The following CCDC7 variants were observed in gnomAD, a reference collection of about 807,000 sequenced individuals.
CCDC7 encodes coiled-coil domain-containing protein 7.
Under a neutral mutation model 196.9 loss-of-function variants are expected in CCDC7, and 183 were observed. That is an observed-to-expected ratio of 0.93 (90% CI 0.82 to 1.05). The LOEUF (loss-of-function observed/expected upper bound fraction) is 1.05, where lower values mean the gene tolerates loss of function less well. Among genes scored for constraint, CCDC7 ranks in the 50% least tolerant of loss-of-function variants. The probability of loss-of-function intolerance (pLI) is 0.00; values close to 1 mark genes in which losing one functional copy is unlikely to be tolerated. For synonymous variants in CCDC7, 525 were observed against 484.6 expected (o/e 1.08, Z -1.10); for missense variants, 1,540 against 1,482.2 (o/e 1.04, Z -0.64).
intron 9 of CCDC7, among the ~76,000 whole-genome samples, chr10:32,507,588 T>G (rs2045403638): frequency 6.6e-6 from 1 of 152,086 alleles, no homozygotes; most frequent in Non-Finnish European, 1.5e-5. Context: ...GTAGCTGGAA[T>G]TACAGGCACC....
intron 18 of CCDC7, among the ~76,000 whole-genome samples, chr10:32,632,335 C>T (rs993202736): frequency 1.1e-4 from 17 of 151,508 alleles, no homozygotes; most frequent in African/African-American, 2.9e-4. Context: ...TGCTTTTTTT[C>T]GAACTATTGA....
chr10:32,719,831 A>G (rs901221140), intron 25 of CCDC7, among the ~76,000 whole-genome samples: 3 of 152,196 alleles, frequency 2.0e-5, no homozygotes, highest in African/African-American at 2.4e-5. Context: ...ACCATCTCAC[A>G]TCAATTAGAA....
At chr10:32,758,580 G>A (rs1565417406) in intron 28 of CCDC7, among the ~76,000 whole-genome samples, 3 of 152,050 alleles carry the variant, frequency 2.0e-5, no homozygotes, top group Non-Finnish European at 4.4e-5. Context: ...AATAAACTAG[G>A]TATTGATGGG....
chr10:32,592,326 G>C (rs1320267406), intron 18 of CCDC7, among the ~76,000 whole-genome samples: 1 of 151,558 alleles, frequency 6.6e-6, no homozygotes. Flanking sequence ...TTGTTTTTCT[G>C]TTTACTTCAT....
upstream of CCDC7, among the ~76,000 whole-genome samples, chr10:32,448,181 G>T (rs1490251811): frequency 6.6e-6 from 1 of 152,054 alleles, no homozygotes; most frequent in Non-Finnish European, 1.5e-5. Flanking sequence ...AACATTTTCA[G>T]TGCTATTAAG....
chr10:32,729,212 C>G, intron 27 of CCDC7, 120 bp from the exon 29 acceptor site: 1 of 1,040,028 alleles, frequency 9.6e-7, no homozygotes, highest in Non-Finnish European at 1.4e-6. Flanking sequence ...ATCACTGCCT[C>G]CACACATGCT....
intron 28 of CCDC7, among the ~76,000 whole-genome samples, chr10:32,757,390 A>T (rs1319070473): frequency 1.3e-5 from 2 of 152,246 alleles, no homozygotes; most frequent in Non-Finnish European, 2.9e-5. Flanking sequence ...AACAGAAATT[A>T]TAACAAACTG....
At chr10:32,805,996 G>A (rs1352114622) in intron 30 of CCDC7, among the ~76,000 whole-genome samples, 1 of 152,160 alleles carries the variant, frequency 6.6e-6, no homozygotes, top group Non-Finnish European at 1.5e-5. Context: ...AAAGAAGGGG[G>A]AAGGTGCTAC....
chr10:32,520,183 G>A (rs939224499), intron 11 of CCDC7, among the ~76,000 whole-genome samples: 1 of 152,122 alleles, frequency 6.6e-6, no homozygotes, highest in African/African-American at 2.4e-5. Flanking sequence ...TAACATGGGA[G>A]TGCAGATGTC....
intron 28 of CCDC7, among the ~76,000 whole-genome samples, chr10:32,767,092 A>G (rs1376175663): frequency 6.6e-6 from 1 of 152,062 alleles, no homozygotes; most frequent in Non-Finnish European, 1.5e-5. Flanking sequence ...GTAACAACTC[A>G]CTCATTACTG....
chr10:32,851,842 G>A, exon 40 of CCDC7: 1 of 1,612,330 alleles, frequency 6.2e-7, no homozygotes, highest in Non-Finnish European at 8.5e-7. Context: ...CTATGTGACT[G>A]CACCTTCAAA....
At chr10:32,860,243 G>A (rs2093928744) in intron 41 of CCDC7, among the ~76,000 whole-genome samples, 1 of 152,194 alleles carries the variant, frequency 6.6e-6, no homozygotes, top group South Asian at 2.1e-4. Context: ...TCCCTGGGAT[G>A]CAAGGCTGGT....
At chr10:32,564,626 G>T (rs997597443) in intron 13 of CCDC7, among the ~76,000 whole-genome samples, 23 of 142,038 alleles carry the variant, frequency 1.6e-4, no homozygotes, top group African/African-American at 6.1e-4. Flanking sequence ...ACAGGAAGGG[G>T]AACATCACAC....
intron 29 of CCDC7, among the ~76,000 whole-genome samples, chr10:32,804,117 T>A (rs1479634618): frequency 6.6e-6 from 1 of 152,168 alleles, no homozygotes; most frequent in Non-Finnish European, 1.5e-5. Context: ...TAGTTTCCAG[T>A]GTTTACAGGT....
At chr10:32,498,808 C>G (rs1171663488) in intron 9 of CCDC7, among the ~76,000 whole-genome samples, 1 of 142,170 alleles carries the variant, frequency 7.0e-6, no homozygotes, top group Non-Finnish European at 1.6e-5. Flanking sequence ...CTCTGGCTGC[C>G]CTTAACATTT....
intron 9 of CCDC7, chr10:32,514,449 A>C (rs1463726969): frequency 6.6e-6 from 1 of 152,250 alleles, no homozygotes; most frequent in African/African-American, 2.4e-5. Context: ...AAAGAATGCC[A>C]GGGACTAACA....
chr10:32,759,274 C>G (rs2077017848), intron 28 of CCDC7, among the ~76,000 whole-genome samples: 1 of 152,104 alleles, frequency 6.6e-6, no homozygotes, highest in Non-Finnish European at 1.5e-5. Flanking sequence ...AAAAAAGAGC[C>G]CGCATTGCCA....
intron 24 of CCDC7, among the ~76,000 whole-genome samples, chr10:32,707,183 T>G (rs2079925211): frequency 6.6e-6 from 1 of 151,736 alleles, no homozygotes; most frequent in African/African-American, 2.4e-5. Flanking sequence ...AATCAATAAA[T>G]GTAATCCATC....
chr10:32,590,711 C>A (rs2059705689), intron 18 of CCDC7, among the ~76,000 whole-genome samples: 1 of 152,072 alleles, frequency 6.6e-6, no homozygotes, highest in Non-Finnish European at 1.5e-5. Flanking sequence ...CTGGGAAGGT[C>A]TTTATTTTTC....
Sources: gnomAD v4.1 joint callset for allele counts (sites outside exome capture counted in the v4.1 genomes callset) on GRCh38, gnomAD v4.1.1 for gene constraint, MANE v1.5 for transcripts, NCBI Gene and HGNC (gene_info 2026-07-23, HGNC 2026-07-21) for gene names.